Variants in TMPRSS13 observed in about 807,000 individuals in gnomAD.
TMPRSS13 encodes the protein transmembrane serine protease 13.
In TMPRSS13, 50 loss-of-function variants were observed where a neutral mutation model predicts 68.4. The ratio of observed to expected loss-of-function variants is 0.73; its 90% confidence interval spans 0.58 to 0.93. The LOEUF (loss-of-function observed/expected upper bound fraction) is 0.93, where lower values mean the gene tolerates loss of function less well. Among genes scored for constraint, TMPRSS13 ranks in the 40% least tolerant of loss-of-function variants. The pLI, the probability that TMPRSS13 is intolerant of heterozygous loss-of-function variation, is 0.00. For synonymous variants in TMPRSS13, 267 were observed against 285.8 expected, an observed-to-expected ratio of 0.93 and a Z score of 0.66; for missense variants, 615 against 729.2, an observed-to-expected ratio of 0.84 and a Z score of 1.80.
intron 5 of TMPRSS13, among the ~76,000 whole-genome samples, chr11:117,913,159 TC>T (rs764396948): frequency 6.6e-5 from 10 of 152,146 alleles, no homozygotes; most frequent in Non-Finnish European, 1.5e-4. Flanking sequence ...GAAAACTCAG[TC>T]CAAGAGGGAG....
At position 117,922,664 on chromosome 11, in the gene TMPRSS13, G is replaced by C. The variant is rs534697263; in HGVS notation, c.22-3826C>G. Among the ~76,000 whole-genome samples, 9 of 152,318 alleles carry C rather than the reference G, an allele frequency of 5.9e-5. No homozygotes were observed. Among genetic ancestry groups the C allele is most frequent in the African/African-American group, 2.2e-4 (9 of 41,566 alleles). On this transcript the variant is annotated intron_variant, in intron 1 of 12. Transcript: ENST00000524993. This position sits in a 1 kb window ranked among gnomAD's most constrained non-coding sequence, Gnocchi z 4.2. ...AATGACCAACTCCTTGATGTGTCCT[G>C]GTGTCTCCACAACCTGCCTGCAGAC...
rs2057548742 is a variant in TMPRSS13, at chr11:117,914,062, G to C, written c.680-156C>G. ...TCCAGGAACATGGCCTGGGTCATGG[G>C]GGTTAACCAGTACTCAGAAGCCCAG... On this transcript the variant is annotated intron_variant, in intron 4 of 12. Coordinates refer to ENST00000524993, the MANE Select transcript of TMPRSS13 (RefSeq NM_001077263.3). The surrounding 1 kb of genome is among the most constrained non-coding windows in gnomAD (Gnocchi z 4.2). 6.6e-6 allele frequency among the ~76,000 whole-genome samples: 1 copy of C among 152,132 alleles called. No individual in the cohort carries two copies. The highest frequency in any genetic ancestry group is 6.5e-5 in the Admixed American group (1 of 15,270).
intron 8 of TMPRSS13, 118 bp downstream of exon 8, chr11:117,909,688 A>G: frequency 1.6e-6 from 2 of 1,274,056 alleles, no homozygotes; most frequent in Non-Finnish European, 2.2e-6. Context: ...CAACTGGCCC[A>G]TGGGGGCTGG....
intron 2 of TMPRSS13, 78 bp downstream of exon 2, chr11:117,918,331 C>A: frequency 6.6e-7 from 1 of 1,522,256 alleles, no homozygotes; most frequent in Non-Finnish European, 8.9e-7. Flanking sequence ...GAGAGCAGAG[C>A]ACACTGGCTC....
chr11:117,903,845 G>C (rs3809041), intron 11 of TMPRSS13, 38 bp from the exon 12 acceptor site: 209,837 of 1,602,532 alleles, frequency 0.13, 15,149 homozygotes, highest in African/African-American at 0.26. Flanking sequence ...GGATGGGACA[G>C]GTGGTCCATG....
Position 117,903,799 on chromosome 11 carries a change from G to A in TMPRSS13, c.1533C>T (p.Ser511=), listed in dbSNP as rs373820368. The change falls in exon 12 of 13, where the codon AGC becomes AGT. Residue 511 remains serine, a synonymous_variant. Transcript: ENST00000524993. ...TCTGCTCACAGACAAGAGGCCCCCC[G>A]CTGTCTCCCTGCAGGGGAGAGGGGG... ...RGGRDSCQGD[S]GGPLVCEQNN... 12 of 1,610,156 alleles carry A rather than the reference G, an allele frequency of 7.5e-6. No homozygotes were observed. The highest frequency in any genetic ancestry group is 4.0e-5 in the African/African-American group (3 of 74,896).
intron 8 of TMPRSS13, among the ~76,000 whole-genome samples, chr11:117,909,580 G>A (rs2057499104): frequency 6.6e-6 from 1 of 152,190 alleles, no homozygotes; most frequent in African/African-American, 2.4e-5. Flanking sequence ...CCCCCTTGGG[G>A]CCGTCAATGG....
In TMPRSS13 at chr11:117,924,330, A is replaced by T. The variant is rs143224696; in HGVS notation, c.21+4957T>A. Among the ~76,000 whole-genome samples the T allele has an allele frequency of 2.3e-3, 355 of 152,110 alleles. 7 individuals are homozygous for T. In the East Asian group the frequency reaches 0.054, roughly 23 times the overall value. ...CTAGAACCATGATCTTCTGGCCCCC[A>T]TCCTTGGGCTGTTACACAACACTCT... On this transcript the variant is annotated intron_variant, in intron 1 of 12. Transcript: ENST00000524993.
chr11:117,913,689 A>G, intron 5 of TMPRSS13, 88 bp downstream of exon 5: 2 of 1,526,212 alleles, frequency 1.3e-6, no homozygotes, highest in South Asian at 1.2e-5. Flanking sequence ...TCTTTTTAAT[A>G]TAATGTTTCT....
chr11:117,926,098 T>C (rs2057703407), intron 1 of TMPRSS13, among the ~76,000 whole-genome samples: 1 of 130,740 alleles, frequency 7.6e-6, no homozygotes, highest in Non-Finnish European at 1.6e-5. Flanking sequence ...GAGGACGAGG[T>C]GAGGGATGCA....
At chr11:117,902,861 T>C (rs1037208549) in intron 12 of TMPRSS13, among the ~76,000 whole-genome samples, 1 of 152,156 alleles carries the variant, frequency 6.6e-6, no homozygotes, top group Non-Finnish European at 1.5e-5. Flanking sequence ...TCAGAGTTCT[T>C]CAGTAAGAAA....
chr11:117,901,763 C>T lies in TMPRSS13; in HGVS notation c.*476G>A, dbSNP rs769920050. 5.9e-6 allele frequency: 1 copy of T among 169,874 alleles called. No individual in the cohort carries two copies. Among genetic ancestry groups the T allele is most frequent in the Non-Finnish European group, 1.3e-5 (1 of 77,578 alleles). 10.5% of individuals were successfully genotyped at this position (169,874 alleles called of 1,614,324 possible). On this transcript the variant is annotated 3_prime_UTR_variant, in exon 13 of 13. Coordinates refer to ENST00000524993, the MANE Select transcript of TMPRSS13 (RefSeq NM_001077263.3). ...AACGGGAGCAGCTTTTCACCGAAGA[C>T]GGTCCAGGCCCTGGGAAGCTGCATC... is the stretch of plus-strand genomic sequence containing the variant.
intron 9 of TMPRSS13, among the ~76,000 whole-genome samples, chr11:117,906,745 G>C (rs1157551075): frequency 6.6e-6 from 1 of 152,048 alleles, no homozygotes; most frequent in African/African-American, 2.4e-5. Context: ...CCCTTTTTGA[G>C]ATGTAAAGTT....
chr11:117,905,852 C>A, intron 9 of TMPRSS13, 116 bp from the exon 10 acceptor site: 3 of 697,414 alleles, frequency 4.3e-6, no homozygotes, highest in Admixed American at 2.3e-5. Context: ...AACATTAATC[C>A]TTGACTCTAG....
At chr11:117,905,587 A>G in intron 10 of TMPRSS13, 51 bp downstream of exon 10, 1 of 1,444,948 alleles carries the variant, frequency 6.9e-7, no homozygotes, top group Admixed American at 1.9e-5. Context: ...ACATGTATAC[A>G]CACACATGCA....
intron 1 of TMPRSS13, among the ~76,000 whole-genome samples, chr11:117,925,708 C>CAGTG (rs1488895448): frequency 1.3e-5 from 2 of 152,366 alleles, no homozygotes; most frequent in Admixed American, 1.3e-4. Flanking sequence ...CCTGCACCAC[C>CAGTG]AGTGCCCTGC....
intron 1 of TMPRSS13, among the ~76,000 whole-genome samples, chr11:117,925,208 A>T (rs185165927): frequency 6.6e-6 from 1 of 152,328 alleles, no homozygotes; most frequent in African/African-American, 2.4e-5. Flanking sequence ...CCGACCTTTC[A>T]GTTTCATACA....
At chr11:117,902,350 T>A (rs561500531) in intron 12 of TMPRSS13, 85 bp from the exon 13 acceptor site, 8 of 1,469,816 alleles carry the variant, frequency 5.4e-6, no homozygotes, top group Non-Finnish European at 7.6e-6. Context: ...TCAGAACCTA[T>A]AATTTAGCCT....
Position 117,908,768 on chromosome 11 carries a change from G to A in TMPRSS13, c.1126C>T (p.Leu376=). Residue 376 remains leucine, a synonymous_variant, in exon 9 of 13, where the codon CTG becomes TTG. Coordinates refer to ENST00000524993, the MANE Select transcript of TMPRSS13 (RefSeq NM_001077263.3). ...HCFFVTREKV[L]EGWKVYAGTS... ...CCCGCGTACACCTTCCAGCCCTCCA[G>A]GACCTTCTCCCGGGTCCTGCAAGAG... 6.2e-7 allele frequency: 1 copy of A among 1,607,122 alleles called. No homozygotes were observed. The highest frequency in any genetic ancestry group is 8.5e-7 in the Non-Finnish European group (1 of 1,177,526).
Sources: gnomAD v4.1 joint callset for allele counts (sites outside exome capture counted in the v4.1 genomes callset) on GRCh38, gnomAD v4.1.1 for gene constraint, Gnocchi (gnomAD v3.1) non-coding constraint, MANE v1.5 for transcripts, NCBI Gene and HGNC (gene_info 2026-07-23, HGNC 2026-07-21) for gene names.